Variants in NPAS3 observed in about 807,000 individuals in gnomAD.
NPAS3 encodes neuronal PAS domain protein 3, also known as neuronal PAS domain-containing protein 3.
In NPAS3, 14 loss-of-function variants were observed where a neutral mutation model predicts 73.1. The ratio of observed to expected loss-of-function variants is 0.19; its 90% CI spans 0.13 to 0.30. The LOEUF is 0.30. Ranked by LOEUF, NPAS3 falls within the 10% of genes least tolerant of loss-of-function variation. The pLI, the probability that NPAS3 is intolerant of heterozygous loss-of-function variation, is 1.00. For missense variants in NPAS3, 1,096 were observed against 1,250.0 expected (o/e 0.88, Z 1.86); for synonymous variants, 620 against 541.5 (o/e 1.14, Z -2.01).
chr14:32,935,445 C>G (rs192605311), upstream of NPAS3, among the ~76,000 whole-genome samples: 2 of 152,158 alleles, frequency 1.3e-5, no homozygotes, highest in Admixed American at 1.3e-4. Flanking sequence ...AGAATAGGAA[C>G]GATTTTCATG....
Position 33,386,213 on chromosome 14 carries a change from A to G in NPAS3, c.468+18945A>G, listed in dbSNP as rs139523320. On this transcript the variant is annotated intron_variant, in intron 4 of 11. Transcript: ENST00000356141. ...TTGGCTAACAAATTTAATAGGGACA[A>G]TAAACTGTTTTCTACCCTTTTACAT... Among the ~76,000 whole-genome samples, 350 of 152,314 alleles carry G rather than the reference A, an allele frequency of 2.3e-3. 2 individuals carry two copies. Among genetic ancestry groups the G allele is most frequent in the Non-Finnish European group, 4.1e-3 (276 of 68,022 alleles).
At chr14:33,096,457 A>AT (rs2042422276) in intron 2 of NPAS3, among the ~76,000 whole-genome samples, 1 of 152,150 alleles carries the variant, frequency 6.6e-6, no homozygotes, top group African/African-American at 2.4e-5. Context: ...AAACGAAGCT[A>AT]TTTTTTGGAC....
chr14:33,742,843 A>G (rs1024443971), intron 7 of NPAS3, among the ~76,000 whole-genome samples: 1 of 152,212 alleles, frequency 6.6e-6, no homozygotes, highest in African/African-American at 2.4e-5. Flanking sequence ...AGCAATGGCC[A>G]TGGCATCTTC....
chr14:33,643,992 A>ATCTT (rs2058752476), intron 5 of NPAS3, among the ~76,000 whole-genome samples: 1 of 152,086 alleles, frequency 6.6e-6, no homozygotes, highest in African/African-American at 2.4e-5. Context: ...GAGATACTTG[A>ATCTT]TCTTTATGAT....
intron 6 of NPAS3, among the ~76,000 whole-genome samples, chr14:33,699,024 A>G (rs1457866571): frequency 1.3e-5 from 2 of 152,192 alleles, no homozygotes; most frequent in African/African-American, 4.8e-5. Flanking sequence ...CATGTGGACA[A>G]GAATCTCTGC....
intron 5 of NPAS3, among the ~76,000 whole-genome samples, chr14:33,662,869 C>CTTTT (rs550747845): frequency 3.0e-4 from 27 of 89,894 alleles, no homozygotes; most frequent in East Asian, 6.7e-4. Context: ...TGGGGTTTTC[C>CTTTT]TTTTTTTTTT....
chr14:33,079,211 A>G (rs2041774576), intron 2 of NPAS3, among the ~76,000 whole-genome samples: 1 of 151,568 alleles, frequency 6.6e-6, no homozygotes, highest in African/African-American at 2.4e-5. Flanking sequence ...CCTTCCTTTT[A>G]TTACCATCTT....
At chr14:33,213,549 T>C (rs1271035907) in intron 2 of NPAS3, 1 of 152,222 alleles carries the variant, frequency 6.6e-6, no homozygotes, top group Non-Finnish European at 1.5e-5. Flanking sequence ...CCAGCTAAAA[T>C]TGAGCACTTG....
intron 4 of NPAS3, among the ~76,000 whole-genome samples, chr14:33,464,846 C>G (rs2050438017): frequency 1.3e-5 from 2 of 152,168 alleles, no homozygotes; most frequent in African/African-American, 2.4e-5. Flanking sequence ...GGCTTGGGCT[C>G]CTCTGGCAGC....
chr14:33,240,663 G>C (rs996935183), intron 3 of NPAS3, among the ~76,000 whole-genome samples: 1 of 151,794 alleles, frequency 6.6e-6, no homozygotes, highest in Non-Finnish European at 1.5e-5. Flanking sequence ...TTCCTCTCTT[G>C]AGAGACCACA....
At chr14:33,371,885 G>A (rs2046105220) in intron 4 of NPAS3, among the ~76,000 whole-genome samples, 1 of 152,130 alleles carries the variant, frequency 6.6e-6, no homozygotes, top group Admixed American at 6.5e-5. Context: ...TAGGTGCTAT[G>A]ATTACGTGCA....
intron 3 of NPAS3, among the ~76,000 whole-genome samples, chr14:33,328,323 A>T (rs1020745504): frequency 1.3e-5 from 2 of 148,520 alleles, no homozygotes; most frequent in African/African-American, 5.0e-5. Flanking sequence ...ATGTTTTCTT[A>T]TTGAGGTTAG....
chr14:33,748,468 A>T (rs1196093860), intron 7 of NPAS3, among the ~76,000 whole-genome samples: 1 of 152,138 alleles, frequency 6.6e-6, no homozygotes. Flanking sequence ...CAGTCAAGAG[A>T]TACTTGATTA....
intron 6 of NPAS3, among the ~76,000 whole-genome samples, chr14:33,688,422 C>T (rs79854684): frequency 9.7e-4 from 147 of 152,186 alleles, no homozygotes; most frequent in African/African-American, 3.1e-3. Flanking sequence ...ACTAATACCC[C>T]GAAAGCACAT....
At chr14:33,725,494 T>G (rs1321169467) in intron 6 of NPAS3, among the ~76,000 whole-genome samples, 1 of 152,176 alleles carries the variant, frequency 6.6e-6, no homozygotes, top group Non-Finnish European at 1.5e-5. Flanking sequence ...TTATACTTCA[T>G]GTTTTCAAAA....
chr14:33,640,344 C>T (rs1349833372), intron 5 of NPAS3, among the ~76,000 whole-genome samples: 1 of 152,090 alleles, frequency 6.6e-6, no homozygotes, highest in Admixed American at 6.6e-5. Flanking sequence ...GGCAAGTGGC[C>T]TGTAATATTT....
Position 33,598,653 on chromosome 14 carries a change from T to C in NPAS3, c.558+38443T>C, listed in dbSNP as rs540405259. Among the ~76,000 whole-genome samples the C allele has an allele frequency of 3.9e-5, 6 of 152,370 alleles. No homozygotes were observed. In the East Asian group the frequency reaches 1.2e-3, roughly 29 times the overall value. On this transcript the variant is annotated intron_variant, in intron 5 of 11. Coordinates refer to ENST00000356141, the Ensembl canonical transcript of NPAS3. ...TTTTTGGTGCTGGGACTTTATTGTATGCTAACTTCAAATTGAAAGCTACAT... is the reference window on the plus strand; with the variant it reads ...TTTTTGGTGCTGGGACTTTATTGTACGCTAACTTCAAATTGAAAGCTACAT...
chr14:33,494,404 C>T (rs767482117), intron 4 of NPAS3, among the ~76,000 whole-genome samples: 7 of 152,240 alleles, frequency 4.6e-5, no homozygotes, highest in Non-Finnish European at 8.8e-5. Context: ...GAGAAGGCTA[C>T]GCCTTCCACA....
chr14:33,785,984 A>G (rs1202960174), intron 9 of NPAS3, among the ~76,000 whole-genome samples: 1 of 152,174 alleles, frequency 6.6e-6, no homozygotes, highest in Non-Finnish European at 1.5e-5. Flanking sequence ...CATTTCCAGA[A>G]GCACTTCCCC....
Sources: allele counts gnomAD v4.1 joint callset (sites outside exome capture counted in the v4.1 genomes callset), GRCh38; gene constraint gnomAD v4.1.1; transcripts MANE v1.5; gene names NCBI Gene and HGNC (gene_info 2026-07-23, HGNC 2026-07-21).